The following ARHGEF12 variants were observed in gnomAD, a reference collection of about 807,000 sequenced individuals.
The protein encoded by ARHGEF12 is KMT2A/ARHGEF12 fusion protein.
In ARHGEF12, 66 loss-of-function variants were observed where a neutral mutation model predicts 211.2. The observed-to-expected ratio is 0.31, with a 90% CI of 0.26 to 0.38. The LOEUF (loss-of-function observed/expected upper bound fraction) is 0.38. Ranked by LOEUF, ARHGEF12 falls within the 10% of genes least tolerant of loss-of-function variation. The pLI, the probability that ARHGEF12 is intolerant of heterozygous loss-of-function variation, is 1.00. For missense variants in ARHGEF12, 1,429 were observed against 1,869.5 expected (o/e 0.76, Z 4.34); for synonymous variants, 592 against 638.4 (o/e 0.93, Z 1.09).
intron 1 of ARHGEF12, among the ~76,000 whole-genome samples, chr11:120,373,134 C>G (rs1357720924): frequency 6.6e-6 from 1 of 152,020 alleles, no homozygotes; most frequent in Non-Finnish European, 1.5e-5. Context: ...CTTCACTGAC[C>G]TGTTACCAGC....
Position 120,457,158 on chromosome 11 carries a change from C to G in ARHGEF12, c.2097C>G (p.Thr699=), listed in dbSNP as rs770289077. 1 of 1,613,996 alleles carries G rather than the reference C, an allele frequency of 6.2e-7. No homozygotes were observed. Among genetic ancestry groups the G allele is most frequent in the South Asian group, 1.1e-5 (1 of 91,068 alleles). The change falls in exon 23 of 41, where the codon ACC becomes ACG. Residue 699 remains threonine, a synonymous_variant. Coordinates refer to ENST00000397843, the MANE Select transcript of ARHGEF12 (RefSeq NM_015313.3). ...GAGAAACATCAGCACCTGGAGACAC[C>G]TTAGATGGCACACCTCGTACTCTCA... is the stretch of plus-strand genomic sequence containing the variant. The part of the protein sequence containing the change: ...QVGETSAPGD[T]LDGTPRTLNT...
chr11:120,390,669 T>A (rs1944184859), intron 1 of ARHGEF12, among the ~76,000 whole-genome samples: 1 of 152,220 alleles, frequency 6.6e-6, no homozygotes, highest in South Asian at 2.1e-4. Context: ...TCTAGTTTTC[T>A]GAGTCTCACT....
Position 120,442,221 on chromosome 11 carries a change from G to A in ARHGEF12, c.1302+19G>A. On this transcript the variant is annotated intron_variant, in intron 15 of 40. Transcript: ENST00000397843. ...ATCAGCAGTAAGTTGCCAAGTTAATGTTGTAATCTTTGCCTTAGTACATGG... is the reference window on the plus strand; with the variant it reads ...ATCAGCAGTAAGTTGCCAAGTTAATATTGTAATCTTTGCCTTAGTACATGG... The A allele has an allele frequency of 6.4e-7, 1 of 1,565,768 alleles. No homozygotes were observed. The highest frequency in any genetic ancestry group is 8.7e-7 in the Non-Finnish European group (1 of 1,146,582).
intron 31 of ARHGEF12, among the ~76,000 whole-genome samples, 182 bp from the exon 32 acceptor site, chr11:120,474,378 G>A (rs1946964096): frequency 6.6e-6 from 1 of 152,218 alleles, no homozygotes; most frequent in African/African-American, 2.4e-5. Flanking sequence ...AAAATTGTAT[G>A]CAGATTACTT....
chr11:120,389,840 G>A (rs182788541), intron 1 of ARHGEF12, among the ~76,000 whole-genome samples: 1 of 152,114 alleles, frequency 6.6e-6, no homozygotes, highest in East Asian at 1.9e-4. Flanking sequence ...CATCCATCTT[G>A]TTGCAAATGA....
At chr11:120,409,189 CT>C in intron 3 of ARHGEF12, 1 of 522,798 alleles carries the variant, frequency 1.9e-6, no homozygotes, top group Non-Finnish European at 3.4e-6. Flanking sequence ...TTTTATTGCA[CT>C]GTCTTTTCTT....
intron 1 of ARHGEF12, among the ~76,000 whole-genome samples, chr11:120,393,796 A>G (rs1220174029): frequency 6.6e-6 from 1 of 152,182 alleles, no homozygotes; most frequent in African/African-American, 2.4e-5. Flanking sequence ...GTACTTAAAC[A>G]ATACTGTTGG....
intron 10 of ARHGEF12, among the ~76,000 whole-genome samples, chr11:120,431,279 G>T (rs1229718125): frequency 6.6e-6 from 1 of 152,050 alleles, no homozygotes; most frequent in Non-Finnish European, 1.5e-5. Context: ...GACAGAGCAA[G>T]ACTCCATCTC....
chr11:120,451,736 C>A lies in ARHGEF12; in HGVS notation c.2056+12C>A. 1 of 1,607,522 alleles carries A rather than the reference C, an allele frequency of 6.2e-7. No homozygotes were observed. Among genetic ancestry groups the A allele is most frequent in the Non-Finnish European group, 8.5e-7 (1 of 1,175,230 alleles). ...AGAGAATGATACAGGTGAGCTATTA[C>A]TGTAGTTCAGCTTAACTAAGCATCA... On this transcript the variant is annotated intron_variant, in intron 22 of 40. Transcript: ENST00000397843.
intron 32 of ARHGEF12, 100 bp from the exon 33 acceptor site, chr11:120,475,240 C>A: frequency 8.8e-7 from 1 of 1,139,456 alleles, no homozygotes; most frequent in Non-Finnish European, 1.2e-6. Context: ...AATTTTGTAG[C>A]TTTAACAGAA....
intron 39 of ARHGEF12, among the ~76,000 whole-genome samples, chr11:120,483,805 G>A (rs1257978472): frequency 2.6e-5 from 4 of 151,952 alleles, no homozygotes; most frequent in Admixed American, 6.6e-5. Flanking sequence ...TAGTAGAGAC[G>A]GGGTTTCACC....
chr11:120,477,618 G>A (rs1591642466), intron 36 of ARHGEF12, 92 bp downstream of exon 36: 2 of 1,231,440 alleles, frequency 1.6e-6, no homozygotes, highest in Non-Finnish European at 2.3e-6. Flanking sequence ...TAATCCCAGT[G>A]CTTTGGGAGG....
chr11:120,484,137 TG>T (rs1947335816), intron 39 of ARHGEF12, among the ~76,000 whole-genome samples: 1 of 152,252 alleles, frequency 6.6e-6, no homozygotes, highest in Non-Finnish European at 1.5e-5. Flanking sequence ...ATGCACATGA[TG>T]ACGGGACCAT....
At chr11:120,369,424 C>A (rs990807409) in intron 1 of ARHGEF12, among the ~76,000 whole-genome samples, 1 of 152,128 alleles carries the variant, frequency 6.6e-6, no homozygotes, top group Admixed American at 6.6e-5. Flanking sequence ...CCATCCCACT[C>A]GGCCAGATCT....
chr11:120,449,072 T>C, intron 20 of ARHGEF12, 37 bp from the exon 21 acceptor site: 1 of 1,559,038 alleles, frequency 6.4e-7, no homozygotes, highest in African/African-American at 1.4e-5. Flanking sequence ...AAATTTACTC[T>C]GTTACGTATC....
At chr11:120,422,067 T>C (rs1469382238) in intron 6 of ARHGEF12, among the ~76,000 whole-genome samples, 1 of 152,176 alleles carries the variant, frequency 6.6e-6, no homozygotes, top group Non-Finnish European at 1.5e-5. Flanking sequence ...TGGAGGAATA[T>C]ATGTTCTTGA....
At chr11:120,351,441 ATATATATATATATATTTTTT>A (rs1180656225) in intron 1 of ARHGEF12, among the ~76,000 whole-genome samples, 168 of 4,018 alleles carry the variant, frequency 0.042, 8 homozygotes, top group African/African-American at 0.081. Context: ...ATATATATAT[ATATATATATATATATTTTTT>A]TTTTTTTTTT....
At chr11:120,440,285 A>C in intron 13 of ARHGEF12, 64 bp downstream of exon 13, 1 of 1,310,852 alleles carries the variant, frequency 7.6e-7, no homozygotes, top group Non-Finnish European at 1.1e-6. Flanking sequence ...TTTGTTGCAA[A>C]AATGAGCACG....
chr11:120,413,369 T>A (rs577259857), intron 4 of ARHGEF12, among the ~76,000 whole-genome samples: 18 of 152,340 alleles, frequency 1.2e-4, no homozygotes, highest in African/African-American at 4.1e-4. Flanking sequence ...TTACTTATAT[T>A]TATGTTTATC....
Sources: allele counts gnomAD v4.1 joint callset (sites outside exome capture counted in the v4.1 genomes callset), GRCh38; gene constraint gnomAD v4.1.1; transcripts MANE v1.5; gene names NCBI Gene and HGNC (gene_info 2026-07-23, HGNC 2026-07-21).